PCTP: variants seen among roughly 807,000 people sequenced by gnomAD.
The protein encoded by PCTP is START domain-containing protein 2.
In PCTP, 27 loss-of-function variants were observed where a neutral mutation model predicts 31.0. That is an observed-to-expected ratio of 0.87 (90% CI 0.64 to 1.20). PCTP has a LOEUF of 1.20. Ranked by LOEUF, PCTP falls within the 50% of genes most tolerant of loss-of-function variation. The pLI is 0.00. For missense variants in PCTP, 287 were observed against 268.2 expected, an observed-to-expected ratio of 1.07 and a Z score of -0.49; for synonymous variants, 108 against 101.2, an observed-to-expected ratio of 1.07 and a Z score of -0.40.
intron 5 of PCTP, among the ~76,000 whole-genome samples, chr17:55,829,012 G>A (rs534535594): frequency 6.6e-6 from 1 of 152,248 alleles, no homozygotes; most frequent in East Asian, 1.9e-4. Context: ...CAAAGGAGCA[G>A]ACACCTGTAA....
intron 3 of PCTP, among the ~76,000 whole-genome samples, chr17:55,810,512 G>C (rs1912715833): frequency 6.6e-6 from 1 of 152,202 alleles, no homozygotes; most frequent in Non-Finnish European, 1.5e-5. Context: ...CTTCTAGGAA[G>C]CTCCTTCATT....
chr17:55,831,509 C>A (rs1383862159), intron 5 of PCTP, among the ~76,000 whole-genome samples: 1 of 152,158 alleles, frequency 6.6e-6, no homozygotes, highest in Non-Finnish European at 1.5e-5. Flanking sequence ...AATGAGGAGA[C>A]AGACCTGGGT....
chr17:55,839,914 A>C (rs1016413446), intron 5 of PCTP, among the ~76,000 whole-genome samples: 4 of 118,354 alleles, frequency 3.4e-5, no homozygotes, highest in Non-Finnish European at 5.0e-5. Flanking sequence ...AGCGAGACTC[A>C]GTCTCAAAAA....
chr17:55,801,679 A>G (rs888373293), intron 3 of PCTP, among the ~76,000 whole-genome samples: 1 of 152,322 alleles, frequency 6.6e-6, no homozygotes, highest in South Asian at 2.1e-4. Context: ...GAACAAAGAC[A>G]CAATGTACCA....
At chr17:55,786,544 CCTAT>C (rs748638132) in intron 2 of PCTP, among the ~76,000 whole-genome samples, 6 of 152,110 alleles carry the variant, frequency 3.9e-5, no homozygotes, top group Non-Finnish European at 8.8e-5. Flanking sequence ...CTGACATCTG[CCTAT>C]CTGTTACTTT....
chr17:55,821,092 G>A (rs549195747), intron 3 of PCTP, among the ~76,000 whole-genome samples: 12 of 152,298 alleles, frequency 7.9e-5, no homozygotes, highest in South Asian at 2.1e-4. Context: ...AAACTTGTAC[G>A]TAAATGTCCA....
chr17:55,775,016 T>C (rs1380542416), intron 5 of PCTP, among the ~76,000 whole-genome samples, 157 bp downstream of exon 5: 1 of 152,156 alleles, frequency 6.6e-6, no homozygotes, highest in Non-Finnish European at 1.5e-5. Flanking sequence ...TGGTTAGGGC[T>C]GGGGCTGCCA....
chr17:55,801,452 G>A (rs543456946), intron 3 of PCTP, among the ~76,000 whole-genome samples: 11 of 152,094 alleles, frequency 7.2e-5, no homozygotes, highest in Admixed American at 2.6e-4. Context: ...AAAACTGACC[G>A]CATAATTGGA....
At chr17:55,830,997 C>T (rs1021135537) in intron 5 of PCTP, among the ~76,000 whole-genome samples, 5 of 152,172 alleles carry the variant, frequency 3.3e-5, no homozygotes, top group Non-Finnish European at 5.9e-5. Flanking sequence ...TGCCAGCTGT[C>T]GGCGCCTTCT....
intron 1 of PCTP, among the ~76,000 whole-genome samples, chr17:55,765,682 C>G (rs893555850): frequency 6.6e-6 from 1 of 152,196 alleles, no homozygotes; most frequent in Non-Finnish European, 1.5e-5. Flanking sequence ...TTGCGTCATT[C>G]TTAAACTGAA....
At chr17:55,826,749 G>C (rs1598019617), downstream of PCTP, among the ~76,000 whole-genome samples, 1 of 152,180 alleles carries the variant, frequency 6.6e-6, no homozygotes, top group Non-Finnish European at 1.5e-5. Flanking sequence ...GTCTAGGTTT[G>C]GGCTCTGAGA....
intron 1 of PCTP, among the ~76,000 whole-genome samples, chr17:55,756,478 TGA>T (rs1472158514): frequency 6.6e-6 from 1 of 152,166 alleles, no homozygotes; most frequent in African/African-American, 2.4e-5. Context: ...GAAATGAATC[TGA>T]GAGTGTTTCT....
At position 55,764,384 on chromosome 17, in the gene PCTP, A is replaced by G. The variant is rs568087512; in HGVS notation, c.142-2951A>G. On this transcript the variant is annotated intron_variant, in intron 1 of 5. Coordinates refer to ENST00000268896, the MANE Select transcript of PCTP (RefSeq NM_021213.4). ...TATGTATAAATCCTTACTAAGTTCA[A>G]TTGTGTGTGTGAGGGGAGGGGGCAA... 1.4e-4 allele frequency among the ~76,000 whole-genome samples: 21 copies of G among 152,222 alleles called. No individual in the cohort carries two copies. In the South Asian group the frequency reaches 2.1e-3, roughly 15 times the overall value.
chr17:55,785,364 T>C (rs1445828593), intron 2 of PCTP, among the ~76,000 whole-genome samples: 1 of 152,238 alleles, frequency 6.6e-6, no homozygotes, highest in Non-Finnish European at 1.5e-5. Flanking sequence ...AAGATCCTTC[T>C]CAATAGAGCT....
At chr17:55,822,239 GA>G (rs1186574928) in intron 3 of PCTP, among the ~76,000 whole-genome samples, 1 of 152,206 alleles carries the variant, frequency 6.6e-6, no homozygotes, top group Non-Finnish European at 1.5e-5. Context: ...CTGTGAAGCA[GA>G]TGGATTACAT....
chr17:55,815,819 G>A (rs1912897511), intron 3 of PCTP, among the ~76,000 whole-genome samples: 2 of 152,118 alleles, frequency 1.3e-5, no homozygotes, highest in South Asian at 4.1e-4. Flanking sequence ...CTTATCATGA[G>A]TTTTTTATTT....
intron 3 of PCTP, among the ~76,000 whole-genome samples, chr17:55,819,272 C>G (rs1913037830): frequency 6.6e-6 from 1 of 152,164 alleles, no homozygotes; most frequent in South Asian, 2.1e-4. Flanking sequence ...TCTTAACACT[C>G]CTTTTCAAAA....
At chr17:55,794,307 C>CTTCT (rs1050122298) in intron 3 of PCTP, among the ~76,000 whole-genome samples, 3 of 150,768 alleles carry the variant, frequency 2.0e-5, no homozygotes, top group South Asian at 2.1e-4. Context: ...TAGTCTTCTT[C>CTTCT]TTTTTTTTTA....
the PCTP span, among the ~76,000 whole-genome samples, chr17:55,851,729 T>C: frequency 6.6e-6 from 1 of 152,228 alleles, no homozygotes; most frequent in African/African-American, 2.4e-5. Flanking sequence ...ACTATGTTTT[T>C]AATTTCAAAA....
Sources: gnomAD v4.1 joint callset for allele counts (sites outside exome capture counted in the v4.1 genomes callset) on GRCh38, gnomAD v4.1.1 for gene constraint, MANE v1.5 for transcripts, NCBI Gene and HGNC (gene_info 2026-07-23, HGNC 2026-07-21) for gene names.